Variants in DOCK4 observed in about 807,000 individuals in gnomAD.
The protein encoded by DOCK4 is dedicator of cytokinesis 4.
In DOCK4, 97 loss-of-function variants were observed where a neutral mutation model predicts 268.1. The ratio of observed to expected loss-of-function variants is 0.36; its 90% CI spans 0.31 to 0.43. The LOEUF is 0.43. Ranked by LOEUF, DOCK4 falls within the 20% of genes least tolerant of loss-of-function variation. The probability of loss-of-function intolerance (pLI) is 1.00; values close to 1 mark genes in which losing one functional copy is unlikely to be tolerated. For missense variants in DOCK4, 2,145 were observed against 2,455.7 expected, an observed-to-expected ratio of 0.87 and a Z score of 2.67; for synonymous variants, 954 against 887.2, an observed-to-expected ratio of 1.08 and a Z score of -1.34.
chr7:112,161,478 T>G (rs1215267090), intron 1 of DOCK4, among the ~76,000 whole-genome samples: 1 of 152,180 alleles, frequency 6.6e-6, no homozygotes, highest in East Asian at 1.9e-4. Flanking sequence ...TTAATTAGAC[T>G]AGAAAGGGTA....
At chr7:111,755,491 T>G in intron 42 of DOCK4, 24 bp downstream of exon 42, 1 of 1,611,850 alleles carries the variant, frequency 6.2e-7, no homozygotes, top group South Asian at 1.1e-5. Flanking sequence ...GAGAAAGTGC[T>G]TGAGAACAAG....
intron 30 of DOCK4, among the ~76,000 whole-genome samples, chr7:111,791,257 A>G (rs540162888): frequency 6.8e-6 from 1 of 146,758 alleles, no homozygotes; most frequent in Admixed American, 6.9e-5. Flanking sequence ...ATGTATAGGA[A>G]TATTTTTAAT....
intron 41 of DOCK4, among the ~76,000 whole-genome samples, chr7:111,757,895 G>T (rs977883839): frequency 1.3e-5 from 2 of 151,896 alleles, no homozygotes; most frequent in Non-Finnish European, 2.9e-5. Flanking sequence ...AACTGGGGGG[G>T]GTGTCACTAT....
intron 26 of DOCK4, among the ~76,000 whole-genome samples, chr7:111,826,439 C>T (rs892192916): frequency 6.6e-6 from 1 of 151,926 alleles, no homozygotes; most frequent in Non-Finnish European, 1.5e-5. Context: ...TTTAACTGTA[C>T]CATATAAAAA....
At chr7:111,828,469 A>C (rs932650130) in intron 26 of DOCK4, among the ~76,000 whole-genome samples, 1 of 152,168 alleles carries the variant, frequency 6.6e-6, no homozygotes, top group Non-Finnish European at 1.5e-5. Context: ...GATTTATAGA[A>C]CCACTGGGAA....
intron 1 of DOCK4, among the ~76,000 whole-genome samples, chr7:112,181,175 T>C (rs976128327): frequency 8.5e-5 from 13 of 152,294 alleles, no homozygotes; most frequent in African/African-American, 3.1e-4. Context: ...GAATATAAAA[T>C]GATACAGCCT....
rs1334064041 is a variant in DOCK4 at position 111,841,062 on chromosome 7, TTGAG to T, written c.2736+3697_2736+3700del. 2.6e-5 allele frequency among the ~76,000 whole-genome samples: 4 copies of T among 152,212 alleles called. No individual in the cohort carries two copies. In the South Asian group the frequency reaches 8.3e-4, roughly 32 times the overall value. Reference sequence around the variant, plus strand: ...CACAATGACTAACGGTCAGCATTTATTGAGTATCAGACCAGATACTGTTTAAACA... The same window carrying T: ...CACAATGACTAACGGTCAGCATTTATTATCAGACCAGATACTGTTTAAACA... On this transcript the variant is annotated intron_variant, in intron 25 of 52. Coordinates refer to ENST00000428084, the MANE Select transcript of DOCK4 (RefSeq NM_001363540.2).
intron 8 of DOCK4, among the ~76,000 whole-genome samples, chr7:111,954,049 T>C (rs186398142): frequency 1.3e-5 from 2 of 152,342 alleles, no homozygotes; most frequent in East Asian, 3.9e-4. Context: ...TATTAATATA[T>C]CTCATTTATG....
chr7:112,176,458 G>A (rs1818516513), intron 1 of DOCK4, among the ~76,000 whole-genome samples: 1 of 152,102 alleles, frequency 6.6e-6, no homozygotes, highest in Non-Finnish European at 1.5e-5. Flanking sequence ...TCCCTCTACT[G>A]TAATGCAGCT....
At chr7:112,119,420 A>G (rs1482204315) in intron 1 of DOCK4, among the ~76,000 whole-genome samples, 1 of 152,194 alleles carries the variant, frequency 6.6e-6, no homozygotes, top group Non-Finnish European at 1.5e-5. Context: ...CTGGCCCGCC[A>G]AAGTTAAAAG....
chr7:112,075,597 G>A (rs1807990171), intron 1 of DOCK4, among the ~76,000 whole-genome samples: 1 of 152,112 alleles, frequency 6.6e-6, no homozygotes, highest in African/African-American at 2.4e-5. Flanking sequence ...CATACTCATT[G>A]GCAACAAACA....
At chr7:112,112,398 C>G (rs1208607308) in intron 1 of DOCK4, among the ~76,000 whole-genome samples, 1 of 152,124 alleles carries the variant, frequency 6.6e-6, no homozygotes, top group Non-Finnish European at 1.5e-5. Context: ...AATCCCAACA[C>G]TTTGGAAGGC....
intron 42 of DOCK4, among the ~76,000 whole-genome samples, chr7:111,754,884 T>TA (rs1269703992): frequency 2.6e-5 from 4 of 152,200 alleles, no homozygotes; most frequent in Non-Finnish European, 4.4e-5. Flanking sequence ...GTGAGACTAA[T>TA]ACGCTGCCAT....
intron 1 of DOCK4, among the ~76,000 whole-genome samples, chr7:112,028,707 G>A (rs1016720179): frequency 6.6e-6 from 1 of 152,238 alleles, no homozygotes; most frequent in Admixed American, 6.5e-5. Context: ...AGACAGCAGT[G>A]CTCTGCTCTC....
At chr7:111,870,323 CTTTT>C (rs796444724) in intron 20 of DOCK4, among the ~76,000 whole-genome samples, 3 of 131,354 alleles carry the variant, frequency 2.3e-5, no homozygotes, top group Non-Finnish European at 3.3e-5. Flanking sequence ...TTTTTCTTTT[CTTTT>C]TTTTTTTTTT....
At chr7:112,010,204 T>C (rs73717934) in intron 1 of DOCK4, among the ~76,000 whole-genome samples, 1,540 of 152,220 alleles carry the variant, frequency 0.01, 26 homozygotes, top group African/African-American at 0.034. Flanking sequence ...CTTCTACATA[T>C]GTACAAAACC....
At chr7:111,762,537 T>A (rs1053121149) in intron 39 of DOCK4, among the ~76,000 whole-genome samples, 9 of 152,124 alleles carry the variant, frequency 5.9e-5, no homozygotes, top group Non-Finnish European at 1.0e-4. Flanking sequence ...TCCTTTCTTT[T>A]TATTGCTGAG....
intron 8 of DOCK4, among the ~76,000 whole-genome samples, chr7:111,946,842 G>A (rs536923191): frequency 3.9e-5 from 6 of 152,252 alleles, no homozygotes; most frequent in South Asian, 2.1e-4. Flanking sequence ...TCGGCCTCCC[G>A]ATATGCTGGG....
chr7:111,935,310 A>G (rs551434733), intron 12 of DOCK4: 4 of 558,048 alleles, frequency 7.2e-6, no homozygotes, highest in South Asian at 7.0e-5. Context: ...ACAAATTCAG[A>G]TTATCTTTTT....
Sources: gnomAD v4.1 joint callset for allele counts (sites outside exome capture counted in the v4.1 genomes callset) on GRCh38, gnomAD v4.1.1 for gene constraint, MANE v1.5 for transcripts, NCBI Gene and HGNC (gene_info 2026-07-23, HGNC 2026-07-21) for gene names.